Variants in RPS6KC1 observed in about 807,000 individuals in gnomAD.
RPS6KC1 encodes ribosomal protein S6 kinase C1, also known as inactive ribosomal protein S6 kinase delta-1.
Under a neutral mutation model 103.8 loss-of-function variants are expected in RPS6KC1, and 54 were observed. That is an observed-to-expected ratio of 0.52 (90% CI 0.42 to 0.65). The LOEUF is 0.65. RPS6KC1 is among the 30% of genes least tolerant of loss of function. RPS6KC1 has a pLI of 0.00. For missense variants in RPS6KC1, 1,151 were observed against 1,253.8 expected, an observed-to-expected ratio of 0.92 and a Z score of 1.24; for synonymous variants, 439 against 438.7, an observed-to-expected ratio of 1.00 and a Z score of -0.01.
chr1:213,514,549 G>A, the RPS6KC1 span, among the ~76,000 whole-genome samples: 1 of 152,022 alleles, frequency 6.6e-6, no homozygotes. Flanking sequence ...TCCCTACAAA[G>A]GACATGAACT....
chr1:213,599,661 C>A, the RPS6KC1 span, among the ~76,000 whole-genome samples: 1 of 152,148 alleles, frequency 6.6e-6, no homozygotes, highest in Non-Finnish European at 1.5e-5. Context: ...TTCTAGCTGG[C>A]GGTTTTGCAT....
the RPS6KC1 span, among the ~76,000 whole-genome samples, chr1:213,808,376 C>T: frequency 2.6e-3 from 399 of 152,342 alleles, 3 homozygotes; most frequent in African/African-American, 8.9e-3. Context: ...GTGCCCTGCC[C>T]CCAGAGGTGG....
chr1:213,164,382 C>T (rs1259184080), intron 6 of RPS6KC1, among the ~76,000 whole-genome samples: 2 of 152,142 alleles, frequency 1.3e-5, no homozygotes, highest in Non-Finnish European at 2.9e-5. Context: ...ATTTTCTCCT[C>T]ATATCTACTC....
At chr1:213,444,404 T>C in the RPS6KC1 span, among the ~76,000 whole-genome samples, 1 of 152,140 alleles carries the variant, frequency 6.6e-6, no homozygotes, top group East Asian at 1.9e-4. Context: ...GCGGCCCCAG[T>C]TAAGCTGGTT....
the RPS6KC1 span, among the ~76,000 whole-genome samples, chr1:213,359,307 G>A: frequency 6.6e-6 from 1 of 152,212 alleles, no homozygotes; most frequent in Non-Finnish European, 1.5e-5. Context: ...TTACCGTTAT[G>A]TAATGGCCTT....
downstream of RPS6KC1, among the ~76,000 whole-genome samples, chr1:213,278,572 C>T (rs1285172402): frequency 6.6e-6 from 1 of 152,186 alleles, no homozygotes; most frequent in Non-Finnish European, 1.5e-5. Context: ...TTGAACTCTT[C>T]CCCCGACCGT....
chr1:213,267,500 A>G (rs2094939397), intron 14 of RPS6KC1, among the ~76,000 whole-genome samples: 1 of 152,054 alleles, frequency 6.6e-6, no homozygotes, highest in African/African-American at 2.4e-5. Context: ...AGTGAAGTGT[A>G]GTGTAAGACA....
chr1:213,812,187 G>C, the RPS6KC1 span, among the ~76,000 whole-genome samples: 17 of 151,736 alleles, frequency 1.1e-4, no homozygotes, highest in Non-Finnish European at 2.2e-4. Flanking sequence ...GAGAAGTGAA[G>C]GAAAAGGAGG....
the RPS6KC1 span, among the ~76,000 whole-genome samples, chr1:213,596,397 C>T: frequency 3.9e-5 from 6 of 152,214 alleles, no homozygotes; most frequent in African/African-American, 9.6e-5. Flanking sequence ...AAAGGGTTTT[C>T]TCCACCAGCC....
chr1:213,852,540 G>C, the RPS6KC1 span, among the ~76,000 whole-genome samples: 3 of 151,776 alleles, frequency 2.0e-5, no homozygotes, highest in Non-Finnish European at 2.9e-5. Flanking sequence ...CTTTTTAATC[G>C]ACAGATCTGT....
chr1:213,116,251 T>C (rs2083593979), intron 4 of RPS6KC1, among the ~76,000 whole-genome samples: 1 of 151,808 alleles, frequency 6.6e-6, no homozygotes, highest in Non-Finnish European at 1.5e-5. Context: ...ATTGGGTGCA[T>C]ATATATTTAG....
chr1:213,827,898 T>G, the RPS6KC1 span, among the ~76,000 whole-genome samples: 1 of 152,166 alleles, frequency 6.6e-6, no homozygotes, highest in Non-Finnish European at 1.5e-5. Context: ...TTATTTTTAC[T>G]GGAGTATAAA....
At chr1:213,588,131 G>A in the RPS6KC1 span, among the ~76,000 whole-genome samples, 3 of 151,884 alleles carry the variant, frequency 2.0e-5, no homozygotes, top group Non-Finnish European at 2.9e-5. Context: ...ACTGGAGTAC[G>A]GTGGCACAGT....
the RPS6KC1 span, among the ~76,000 whole-genome samples, chr1:213,796,614 C>T: frequency 2.6e-5 from 4 of 152,244 alleles, no homozygotes; most frequent in South Asian, 2.1e-4. Context: ...TCACAACAGT[C>T]ACAGGCGAAT....
the RPS6KC1 span, among the ~76,000 whole-genome samples, chr1:213,402,813 A>G: frequency 2.0e-5 from 3 of 152,142 alleles, no homozygotes; most frequent in Admixed American, 6.5e-5. Context: ...TGCACTTGAG[A>G]TCATTCTGAA....
the RPS6KC1 span, among the ~76,000 whole-genome samples, chr1:213,835,072 G>A: frequency 6.6e-6 from 1 of 152,176 alleles, no homozygotes; most frequent in African/African-American, 2.4e-5. Flanking sequence ...TTATATTGAG[G>A]TTCAGGAAAG....
chr1:213,064,954 C>T lies in RPS6KC1; in HGVS notation c.106-6052C>T, dbSNP rs1441839441. On this transcript the variant is annotated intron_variant, in intron 1 of 14. Transcript: ENST00000366960. ...CCTCCCAAAGTGCTGGGATTACAGG[C>T]GTGAGCCACCGTGCCCGGCCTTTTT... Among the ~76,000 whole-genome samples, 290 of 139,216 alleles carry T rather than the reference C, an allele frequency of 2.1e-3. 2 individuals carry two copies. The highest frequency in any genetic ancestry group is 2.6e-3 in the Non-Finnish European group (168 of 65,054). 91.3% of individuals were successfully genotyped at this position (139,216 alleles called of 152,430 possible). A position where few individuals can be genotyped will look rare whatever the true frequency, so the allele number is the denominator to read the frequency against.
At chr1:213,380,294 G>A in the RPS6KC1 span, among the ~76,000 whole-genome samples, 10 of 152,108 alleles carry the variant, frequency 6.6e-5, no homozygotes, top group Non-Finnish European at 1.5e-5. Context: ...TGGACACAGC[G>A]AGGAGAACAA....
the RPS6KC1 span, among the ~76,000 whole-genome samples, chr1:213,285,818 T>C: frequency 2.0e-5 from 3 of 152,152 alleles, no homozygotes; most frequent in Non-Finnish European, 2.9e-5. Flanking sequence ...ACTAGTGCTC[T>C]AATAAAGGAG....
Sources: allele counts gnomAD v4.1 joint callset (sites outside exome capture counted in the v4.1 genomes callset), GRCh38; gene constraint gnomAD v4.1.1; transcripts MANE v1.5; gene names NCBI Gene and HGNC (gene_info 2026-07-23, HGNC 2026-07-21).